ADAMTS9: variants seen among roughly 807,000 people sequenced by gnomAD.
ADAMTS9 encodes the protein ADAM metallopeptidase with thrombospondin type 1 motif 9, also known as A disintegrin and metalloproteinase with thrombospondin motifs 9.
ADAMTS9 carries 107 observed loss-of-function variants against 257.1 expected under a neutral mutation model. That is an observed-to-expected ratio of 0.42 (90% confidence interval 0.36 to 0.49). The LOEUF is 0.49. ADAMTS9 is among the 20% of genes least tolerant of loss of function. The pLI is 0.03. For missense variants in ADAMTS9, 2,353 were observed against 2,469.1 expected (o/e 0.95, Z 1.00); for synonymous variants, 982 against 880.9 (o/e 1.11, Z -2.03).
At chr3:64,635,473 T>A (rs1053240920) in intron 12 of ADAMTS9, among the ~76,000 whole-genome samples, 1 of 152,228 alleles carries the variant, frequency 6.6e-6, no homozygotes, top group Non-Finnish European at 1.5e-5. Context: ...AAATGGCACA[T>A]AACACAGTCG....
At chr3:64,538,562 A>C (rs1346786822) in intron 37 of ADAMTS9, among the ~76,000 whole-genome samples, 1 of 151,964 alleles carries the variant, frequency 6.6e-6, no homozygotes, top group Non-Finnish European at 1.5e-5. Flanking sequence ...CATTAAAAGA[A>C]AATACAGATG....
chr3:64,653,292 A>G (rs1700977898), intron 8 of ADAMTS9, among the ~76,000 whole-genome samples: 2 of 152,186 alleles, frequency 1.3e-5, no homozygotes, highest in Non-Finnish European at 2.9e-5. Flanking sequence ...GAGGATAGAG[A>G]CGATGCTGAC....
chr3:64,681,148 C>T (rs1452997215), intron 3 of ADAMTS9, 53 bp downstream of exon 3: 1 of 1,568,914 alleles, frequency 6.4e-7, no homozygotes, highest in Non-Finnish European at 8.6e-7. Flanking sequence ...TGTAGTATAG[C>T]AATTTACCCA....
At chr3:64,542,067 A>T in intron 32 of ADAMTS9, 97 bp from the exon 33 acceptor site, 1 of 1,511,038 alleles carries the variant, frequency 6.6e-7, no homozygotes, top group Non-Finnish European at 9.0e-7. Flanking sequence ...CATCATGTAC[A>T]GGGTGTCACT....
At chr3:64,673,756 C>T (rs1468112517) in intron 3 of ADAMTS9, among the ~76,000 whole-genome samples, 1 of 151,720 alleles carries the variant, frequency 6.6e-6, no homozygotes, top group Non-Finnish European at 1.5e-5. Flanking sequence ...GGAAAAGATC[C>T]CCACTTTTCA....
intron 3 of ADAMTS9, among the ~76,000 whole-genome samples, chr3:64,667,288 C>CATT (rs1701373608): frequency 6.6e-6 from 1 of 152,196 alleles, no homozygotes; most frequent in Non-Finnish European, 1.5e-5. Flanking sequence ...TCTCCATGCA[C>CATT]ATTAGCATTT....
intron 21 of ADAMTS9, 82 bp downstream of exon 21, chr3:64,615,239 G>A (rs1293257859): frequency 3.4e-6 from 5 of 1,476,140 alleles, no homozygotes; most frequent in Non-Finnish European, 4.6e-6. Context: ...AGGTGCACAA[G>A]GGTTTGTCTT....
chr3:64,602,283 A>G, intron 25 of ADAMTS9, 70 bp from the exon 26 acceptor site: 2 of 1,549,442 alleles, frequency 1.3e-6, no homozygotes, highest in South Asian at 1.2e-5. Flanking sequence ...CTGAATGTGC[A>G]TTTCTGTAAA....
At chr3:64,545,623 G>A (rs2083187176) in intron 32 of ADAMTS9, among the ~76,000 whole-genome samples, 1 of 152,116 alleles carries the variant, frequency 6.6e-6, no homozygotes, top group Non-Finnish European at 1.5e-5. Flanking sequence ...TTGGGGGCAG[G>A]GGGACGGATA....
intron 19 of ADAMTS9, among the ~76,000 whole-genome samples, chr3:64,617,024 C>T (rs1433818063): frequency 6.6e-6 from 1 of 152,136 alleles, no homozygotes; most frequent in Non-Finnish European, 1.5e-5. Flanking sequence ...CAGAGTTGAC[C>T]ATCTGGCAAG....
Position 64,596,994 on chromosome 3 carries a change from A to G in ADAMTS9, c.4018-3T>C, listed in dbSNP as rs745323131. 3 of 1,613,876 alleles carry G rather than the reference A, an allele frequency of 1.9e-6. No individual in the cohort carries two copies. Among genetic ancestry groups the G allele is most frequent in the East Asian group, 2.2e-5 (1 of 44,854 alleles). On this transcript the variant is annotated splice_polypyrimidine_tract_variant and splice_region_variant and intron_variant, in intron 26 of 39. Transcript: ENST00000498707. ...CCGCCAGCACAGGTACTGGAACACTAAACACATCAGTCGACAAGTTAATCC... is the reference window on the plus strand; with the variant it reads ...CCGCCAGCACAGGTACTGGAACACTGAACACATCAGTCGACAAGTTAATCC...
intron 39 of ADAMTS9, among the ~76,000 whole-genome samples, chr3:64,520,029 C>T (rs549041959): frequency 6.6e-6 from 1 of 152,190 alleles, no homozygotes; most frequent in African/African-American, 2.4e-5. Context: ...CAATATGATT[C>T]TATACAAAGA....
chr3:64,571,055 C>T (rs2083673205), intron 28 of ADAMTS9, among the ~76,000 whole-genome samples: 1 of 152,080 alleles, frequency 6.6e-6, no homozygotes. Flanking sequence ...TACAAATAGT[C>T]CAAACAAGCT....
At chr3:64,518,332 T>A (rs548682907) in intron 39 of ADAMTS9, among the ~76,000 whole-genome samples, 1 of 152,166 alleles carries the variant, frequency 6.6e-6, no homozygotes. Flanking sequence ...GGCACTCTTG[T>A]ATCAGGATCT....
In ADAMTS9 at chr3:64,633,741, G is replaced by A. The variant is rs748812330; in HGVS notation, c.1995C>T (p.Asn665=). 27 of 1,613,624 alleles carry A rather than the reference G, an allele frequency of 1.7e-5. No individual in the cohort carries two copies. The highest frequency in any genetic ancestry group is 1.0e-4 in the Admixed American group (6 of 59,942). Residue 665 remains asparagine (N), a synonymous_variant, in exon 13 of 40, where the codon AAC becomes AAT. Coordinates refer to ENST00000498707, the MANE Select transcript of ADAMTS9 (RefSeq NM_182920.2). ...CCCAGCGCACATTGGGAAGCAGACCGTTGATGTTAAAATGCTTCCCGTCAA... is the reference window on the plus strand; with the variant it reads ...CCCAGCGCACATTGGGAAGCAGACCATTGATGTTAAAATGCTTCCCGTCAA... ...AHFDGKHFNI[N]GLLPNVRWVP...
At chr3:64,652,633 C>T (rs996100852) in intron 8 of ADAMTS9, among the ~76,000 whole-genome samples, 4 of 152,294 alleles carry the variant, frequency 2.6e-5, no homozygotes, top group Middle Eastern at 6.8e-3. Flanking sequence ...TCAAATGTTA[C>T]TCACATTTGC....
intron 23 of ADAMTS9, among the ~76,000 whole-genome samples, chr3:64,604,762 C>T (rs2084528699): frequency 6.6e-6 from 1 of 152,062 alleles, no homozygotes; most frequent in South Asian, 2.1e-4. Flanking sequence ...ACTTGCTTTC[C>T]CTGTTTGCCC....
chr3:64,541,662 A>G, intron 33 of ADAMTS9, 42 bp from the exon 34 acceptor site: 1 of 1,569,592 alleles, frequency 6.4e-7, no homozygotes, highest in East Asian at 2.2e-5. Flanking sequence ...TGATGATCCG[A>G]GATGTGAATT....
chr3:64,647,880 C>G, intron 11 of ADAMTS9, 60 bp downstream of exon 11: 22 of 1,474,288 alleles, frequency 1.5e-5, no homozygotes, highest in Non-Finnish European at 1.9e-5. Flanking sequence ...TCTGATCATA[C>G]ACCCAAAATC....
Sources: allele counts gnomAD v4.1 joint callset (sites outside exome capture counted in the v4.1 genomes callset), GRCh38; gene constraint gnomAD v4.1.1; transcripts MANE v1.5; gene names NCBI Gene and HGNC (gene_info 2026-07-23, HGNC 2026-07-21).